The following SLCO5A1 variants were observed in gnomAD, a reference collection of about 807,000 sequenced individuals.
SLCO5A1 encodes organic anion transporter polypeptide-related protein 4.
In SLCO5A1, 39 loss-of-function variants were observed where a neutral mutation model predicts 65.1. The ratio of observed to expected loss-of-function variants is 0.60; its 90% CI spans 0.46 to 0.78. The LOEUF is 0.78. SLCO5A1 is among the 30% of genes least tolerant of loss of function. SLCO5A1 has a pLI of 0.00. For missense variants in SLCO5A1, 1,029 were observed against 1,069.4 expected, an observed-to-expected ratio of 0.96 and a Z score of 0.53; for synonymous variants, 438 against 415.7, an observed-to-expected ratio of 1.05 and a Z score of -0.65.
chr8:69,832,707 A>G lies in SLCO5A1; in HGVS notation c.-34T>C. 1 of 1,561,466 alleles carries G rather than the reference A, an allele frequency of 6.4e-7. No homozygotes were observed. Among genetic ancestry groups the G allele is most frequent in the Non-Finnish European group, 8.6e-7 (1 of 1,162,552 alleles). ...GAATTCAGATTTGATAGCTGATGGC[A>G]CCCAAGCACTCCGGCACGTTTCATC... On this transcript the variant is annotated 5_prime_UTR_variant, in exon 2 of 10. Transcript: ENST00000260126. The surrounding 1 kb of genome is among the most constrained non-coding windows in gnomAD (Gnocchi z 4.5).
chr8:69,681,868 G>A (rs1813790793), intron 7 of SLCO5A1, among the ~76,000 whole-genome samples: 1 of 151,962 alleles, frequency 6.6e-6, no homozygotes. Flanking sequence ...CATCACAAGG[G>A]CCCTGTCAGA....
At chr8:69,775,631 TCC>T (rs1256629994) in intron 2 of SLCO5A1, among the ~76,000 whole-genome samples, 1 of 151,998 alleles carries the variant, frequency 6.6e-6, no homozygotes, top group East Asian at 1.9e-4. Flanking sequence ...TAAGGATGAA[TCC>T]CCTTAGAACA....
chr8:69,723,606 GA>G, intron 5 of SLCO5A1, among the ~76,000 whole-genome samples: 2 of 150,972 alleles, frequency 1.3e-5, no homozygotes, highest in East Asian at 3.9e-4. Flanking sequence ...TCCCTCAAAA[GA>G]AAAAAAATTT....
chr8:69,681,060 C>A (rs750013760), intron 7 of SLCO5A1, among the ~76,000 whole-genome samples: 88 of 152,070 alleles, frequency 5.8e-4, no homozygotes, highest in Non-Finnish European at 1.8e-4. Context: ...CAGATCTCAC[C>A]CTTTCAACAT....
intron 6 of SLCO5A1, among the ~76,000 whole-genome samples, chr8:69,690,875 T>C (rs1226139044): frequency 6.6e-6 from 1 of 152,086 alleles, no homozygotes; most frequent in Admixed American, 6.6e-5. Context: ...ATATAATAGA[T>C]TTTGCTTTAA....
intron 6 of SLCO5A1, among the ~76,000 whole-genome samples, chr8:69,704,434 G>T (rs1417648124): frequency 1.3e-5 from 2 of 152,210 alleles, no homozygotes; most frequent in Non-Finnish European, 2.9e-5. Flanking sequence ...AGTACTGAAA[G>T]ATCTCCAAGC....
chr8:69,744,078 G>GT (rs1816918794), intron 4 of SLCO5A1, among the ~76,000 whole-genome samples: 1 of 152,136 alleles, frequency 6.6e-6, no homozygotes, highest in African/African-American at 2.4e-5. Context: ...CAGAACCCCA[G>GT]TATCTCAGGT....
chr8:69,798,542 C>T (rs532277981), intron 2 of SLCO5A1, among the ~76,000 whole-genome samples: 47 of 152,272 alleles, frequency 3.1e-4, no homozygotes, highest in African/African-American at 1.0e-3. Context: ...AACCAGATCT[C>T]ATGATAACTC....
chr8:69,720,186 T>C (rs1284172905), intron 5 of SLCO5A1, among the ~76,000 whole-genome samples: 1 of 152,234 alleles, frequency 6.6e-6, no homozygotes, highest in Non-Finnish European at 1.5e-5. Flanking sequence ...AAGACAACAA[T>C]ATAACTTGAA....
At chr8:69,834,233 A>AC (rs1336652325) in intron 1 of SLCO5A1, 2 of 152,410 alleles carry the variant, frequency 1.3e-5, no homozygotes, top group African/African-American at 2.4e-5. Context: ...AATCTTGGGG[A>AC]CCCCCACTCC....
chr8:69,818,209 C>T (rs563003358), intron 2 of SLCO5A1, among the ~76,000 whole-genome samples: 1 of 152,268 alleles, frequency 6.6e-6, no homozygotes, highest in South Asian at 2.1e-4. Context: ...GATATTTTTC[C>T]TGATGAAGTA....
intron 5 of SLCO5A1, among the ~76,000 whole-genome samples, chr8:69,730,475 G>C (rs755792749): frequency 1.5e-4 from 23 of 152,156 alleles, no homozygotes; most frequent in Admixed American, 4.6e-4. Flanking sequence ...TTGTTTTCTA[G>C]ACTAGAAAAC....
intron 6 of SLCO5A1, among the ~76,000 whole-genome samples, chr8:69,688,258 T>C (rs1378181026): frequency 6.6e-6 from 1 of 152,180 alleles, no homozygotes; most frequent in Non-Finnish European, 1.5e-5. Context: ...AGCAAACTTC[T>C]TTCCCCTCTA....
At chr8:69,762,118 TTTTCTTTC>T (rs552749800) in intron 2 of SLCO5A1, among the ~76,000 whole-genome samples, 6,962 of 104,424 alleles carry the variant, frequency 0.067, 343 homozygotes, top group Middle Eastern at 0.071. Context: ...TTTTGTTTTG[TTTTCTTTC>T]TTTCTTTCTT....
At chr8:69,761,628 G>C in intron 3 of SLCO5A1, 115 bp downstream of exon 3, 1 of 1,120,726 alleles carries the variant, frequency 8.9e-7, no homozygotes, top group Non-Finnish European at 1.3e-6. Context: ...CCCTTCCCAG[G>C]CACCTTTCAG....
At chr8:69,761,658 T>C in intron 3 of SLCO5A1, 85 bp downstream of exon 3, 1 of 1,479,096 alleles carries the variant, frequency 6.8e-7, no homozygotes, top group Non-Finnish European at 9.1e-7. Context: ...GTCTCCCCAT[T>C]GGAAAAATTT....
At chr8:69,792,284 A>G (rs566229829) in intron 2 of SLCO5A1, among the ~76,000 whole-genome samples, 1 of 152,212 alleles carries the variant, frequency 6.6e-6, no homozygotes, top group South Asian at 2.1e-4. Context: ...AGACAAGTGT[A>G]TATTAAGGCA....
chr8:69,819,572 G>C (rs1307358416), intron 2 of SLCO5A1, among the ~76,000 whole-genome samples: 1 of 152,128 alleles, frequency 6.6e-6, no homozygotes, highest in Non-Finnish European at 1.5e-5. Context: ...GGGGAAAGAG[G>C]TGCTATTTAC....
At chr8:69,739,362 C>T (rs1056923361) in intron 4 of SLCO5A1, among the ~76,000 whole-genome samples, 23 of 152,136 alleles carry the variant, frequency 1.5e-4, no homozygotes, top group African/African-American at 5.5e-4. Context: ...ATATTAAAAG[C>T]CTATGTGTTA....
Sources: allele counts gnomAD v4.1 joint callset (sites outside exome capture counted in the v4.1 genomes callset), GRCh38; gene constraint gnomAD v4.1.1; non-coding constraint Gnocchi (gnomAD v3.1); transcripts MANE v1.5; gene names NCBI Gene and HGNC (gene_info 2026-07-23, HGNC 2026-07-21).